The following MECR variants were observed in gnomAD, a reference collection of about 807,000 sequenced individuals.
MECR encodes the protein mitochondrial trans-2-enoyl-CoA reductase, also known as enoyl-[acyl-carrier-protein] reductase, mitochondrial.
MECR carries 37 observed loss-of-function variants against 49.1 expected under a neutral mutation model. That is an observed-to-expected ratio of 0.75 (90% CI 0.58 to 0.99). MECR has a LOEUF of 0.99. MECR is among the 50% of genes least tolerant of loss of function. The pLI is 0.00. For synonymous variants in MECR, 198 were observed against 191.1 expected, an observed-to-expected ratio of 1.04 and a Z score of -0.30; for missense variants, 470 against 479.6, an observed-to-expected ratio of 0.98 and a Z score of 0.19.
chr1:29,204,845 C>G (rs1374763682), intron 4 of MECR, among the ~76,000 whole-genome samples: 4 of 152,238 alleles, frequency 2.6e-5, no homozygotes, highest in Non-Finnish European at 1.5e-5. Flanking sequence ...CTGGCTTTCT[C>G]CACCAAAGGC....
chr1:29,196,784 G>A (rs1674105357), intron 7 of MECR, among the ~76,000 whole-genome samples: 1 of 151,324 alleles, frequency 6.6e-6, no homozygotes, highest in Non-Finnish European at 1.5e-5. Flanking sequence ...TGAGAGGATT[G>A]CCTGAGCCCA....
At chr1:29,216,846 C>T (rs908348451) in intron 1 of MECR, 161 bp from the exon 2 acceptor site, 34 of 1,447,780 alleles carry the variant, frequency 2.3e-5, no homozygotes, top group African/African-American at 2.8e-5. Context: ...AAGAAATCAA[C>T]ACAGGAGGCT....
At chr1:29,213,057 C>T (rs543265144) in intron 3 of MECR, among the ~76,000 whole-genome samples, 4 of 152,344 alleles carry the variant, frequency 2.6e-5, no homozygotes, top group South Asian at 2.1e-4. Flanking sequence ...CCTTTCTTAA[C>T]GCTTTCCAAG....
At position 29,201,098 on chromosome 1, in the gene MECR, GA is replaced by G. The variant is rs1432793170; in HGVS notation, c.757-510del. ...GGCATGAGTCACCTCATCCAGCCAAGAAGGGCCTTTTCTGTAGCAACTTAAT... is the reference window on the plus strand; with the variant it reads ...GGCATGAGTCACCTCATCCAGCCAAGAGGGCCTTTTCTGTAGCAACTTAAT... On this transcript the variant is annotated intron_variant, in intron 6 of 9. Coordinates refer to ENST00000263702, the MANE Select transcript of MECR (RefSeq NM_016011.5). This position sits in a 1 kb window ranked among gnomAD's most constrained non-coding sequence, Gnocchi z 4.3. Among the ~76,000 whole-genome samples, 1 of 152,188 alleles carries G rather than the reference GA, an allele frequency of 6.6e-6. No individual in the cohort carries two copies. The highest frequency in any genetic ancestry group is 1.5e-5 in the Non-Finnish European group (1 of 68,044).
chr1:29,173,828 T>C, the MECR span, among the ~76,000 whole-genome samples: 2 of 152,044 alleles, frequency 1.3e-5, no homozygotes, highest in Non-Finnish European at 2.9e-5. Context: ...TCCTCATATA[T>C]AATTCTAAAC....
At chr1:29,200,636 A>C in intron 6 of MECR, 47 bp from the exon 7 acceptor site, 2 of 1,553,704 alleles carry the variant, frequency 1.3e-6, no homozygotes, top group Non-Finnish European at 1.8e-6. Flanking sequence ...CGCTCTACAT[A>C]TGGGGTCTGA....
intron 5 of MECR, among the ~76,000 whole-genome samples, 157 bp downstream of exon 5, chr1:29,202,974 A>C (rs567681788): frequency 6.6e-6 from 1 of 152,082 alleles, no homozygotes; most frequent in Non-Finnish European, 1.5e-5. Context: ...ATTTCTTAGG[A>C]CTGACTCATC....
At chr1:29,188,724 C>A (rs1282867124), downstream of MECR, among the ~76,000 whole-genome samples, 1 of 151,954 alleles carries the variant, frequency 6.6e-6, no homozygotes, top group Non-Finnish European at 1.5e-5. Context: ...ACTACAACCT[C>A]CACCTCCCGG....
chr1:29,171,437 A>C, the MECR span: 3 of 148,430 alleles, frequency 2.0e-5, no homozygotes, highest in African/African-American at 7.5e-5. Flanking sequence ...AAAATCTTCT[A>C]TTTCCGGAGT....
chr1:29,215,059 G>C (rs989718891), intron 3 of MECR, among the ~76,000 whole-genome samples: 1 of 152,162 alleles, frequency 6.6e-6, no homozygotes, highest in Admixed American at 6.5e-5. Context: ...TGTTGCCCAG[G>C]CTGGAGTGCA....
rs1268787166 is a variant in MECR, at chr1:29,204,927, C to A, written c.551-1694G>T. On this transcript the variant is annotated intron_variant, in intron 4 of 9. Coordinates refer to ENST00000263702, the MANE Select transcript of MECR (RefSeq NM_016011.5). Reference sequence around the variant, plus strand: ...GTGGGAACTGGCATCGGCTTTCAGCCAGGCCTTGGACAGTGGCTGGGCACC... The same window carrying A: ...GTGGGAACTGGCATCGGCTTTCAGCAAGGCCTTGGACAGTGGCTGGGCACC... Among the ~76,000 whole-genome samples, 3 of 152,264 alleles carry A rather than the reference C, an allele frequency of 2.0e-5. No individual in the cohort carries two copies. The East Asian group carries it at 5.8e-4, about 29-fold the overall frequency.
rs199747286 is a variant in MECR, at chr1:29,206,888, C to T, written c.424G>A (p.Ala142Thr). The T allele has an allele frequency of 6.2e-7, 1 of 1,614,114 alleles. No homozygotes were observed. The highest frequency in any genetic ancestry group is 1.3e-5 in the African/African-American group (1 of 75,024). The change falls in exon 4 of 10, where the codon GCT (alanine) becomes ACT (threonine). Residue 142 changes from alanine to threonine, a missense_variant. Ala to Thr is a moderately conservative substitution (Grantham distance 58). Transcript: ENST00000263702. ...ATCAGTGCTTCCTCGCTGAACACAGCCTCGGTCCGCCAGGTTCCTGAGTCA... is the reference window on the plus strand; with the variant it reads ...ATCAGTGCTTCCTCGCTGAACACAGTCTCGGTCCGCCAGGTTCCTGAGTCA... Reference protein sequence around the residue: ...NAGLGTWRTEAVFSEEALIQV... With the variant: ...NAGLGTWRTETVFSEEALIQV...
the MECR span, among the ~76,000 whole-genome samples, chr1:29,177,438 C>T: frequency 9.9e-5 from 15 of 152,198 alleles, no homozygotes; most frequent in African/African-American, 1.2e-4. Context: ...TGTGCCACGA[C>T]GCCCGGCTAA....
chr1:29,193,623 C>T lies in MECR; in HGVS notation c.*399G>A, dbSNP rs139743518. 89 of 190,144 alleles carry T rather than the reference C, an allele frequency of 4.7e-4. No individual in the cohort carries two copies. The East Asian group carries it at 0.013, about 28-fold the overall frequency. The allele number at this position is 190,144 out of a possible 1,614,324, so 11.8% of individuals were successfully genotyped here. ...GTTCTACAGGACCCTCGTCTGTGGGCTTGTGCAGCTTGGGGCCAGGGATGG... is the reference window on the plus strand; with the variant it reads ...GTTCTACAGGACCCTCGTCTGTGGGTTTGTGCAGCTTGGGGCCAGGGATGG... On this transcript the variant is annotated 3_prime_UTR_variant, in exon 10 of 10. Transcript: ENST00000263702.
the MECR span, among the ~76,000 whole-genome samples, chr1:29,181,193 C>G: frequency 6.6e-6 from 1 of 152,212 alleles, no homozygotes; most frequent in African/African-American, 2.4e-5. Flanking sequence ...GAAGACGGCG[C>G]TGTGACCGTC....
intron 1 of MECR, among the ~76,000 whole-genome samples, chr1:29,226,952 C>CTTTTTTTTT (rs890320572): frequency 1.0e-5 from 1 of 99,722 alleles, no homozygotes. Flanking sequence ...TGGGAACTAT[C>CTTTTTTTTT]TTTTTTTTTT....
the MECR span, among the ~76,000 whole-genome samples, chr1:29,180,212 CAA>C: frequency 1.3e-5 from 2 of 151,960 alleles, no homozygotes; most frequent in Non-Finnish European, 2.9e-5. Context: ...ACTTTGTCCA[CAA>C]AAGTTAGTTA....
the MECR span, chr1:29,181,536 G>A: frequency 5.1e-6 from 5 of 972,188 alleles, no homozygotes; most frequent in East Asian, 6.1e-5. Flanking sequence ...AGCCTGGCCA[G>A]GCCGGTAGCC....
intron 3 of MECR, among the ~76,000 whole-genome samples, chr1:29,210,898 T>C (rs78931275): frequency 1.4e-3 from 208 of 152,346 alleles, no homozygotes; most frequent in African/African-American, 4.6e-3. Context: ...CTATGCCTAG[T>C]ACACAGTGGG....
Sources: allele counts gnomAD v4.1 joint callset (sites outside exome capture counted in the v4.1 genomes callset), GRCh38; gene constraint gnomAD v4.1.1; non-coding constraint Gnocchi (gnomAD v3.1); transcripts MANE v1.5; gene names NCBI Gene and HGNC (gene_info 2026-07-23, HGNC 2026-07-21).